The following UVRAG variants were observed in gnomAD, a reference collection of about 807,000 sequenced individuals.
UVRAG encodes UV radiation resistance associated.
UVRAG carries 19 observed loss-of-function variants against 78.0 expected under a neutral mutation model. That is an observed-to-expected ratio of 0.24 (90% CI 0.17 to 0.36). UVRAG has a LOEUF of 0.36. UVRAG is among the 10% of genes least tolerant of loss of function. UVRAG has a pLI of 1.00. For synonymous variants in UVRAG, 323 were observed against 324.6 expected (o/e 1.00, Z 0.05); for missense variants, 740 against 853.8 (o/e 0.87, Z 1.66).
At chr11:75,920,182 C>T (rs1035026279) in intron 6 of UVRAG, among the ~76,000 whole-genome samples, 4 of 151,606 alleles carry the variant, frequency 2.6e-5, no homozygotes, top group East Asian at 1.9e-4. Context: ...CGTGCCACCA[C>T]GCCTGGCTAA....
At chr11:76,048,620 G>A (rs1210758725) in intron 12 of UVRAG, among the ~76,000 whole-genome samples, 1 of 152,196 alleles carries the variant, frequency 6.6e-6, no homozygotes, top group Non-Finnish European at 1.5e-5. Flanking sequence ...AATTGGGCAA[G>A]ATGATGAATT....
At chr11:75,974,265 A>G (rs1949184957) in intron 7 of UVRAG, among the ~76,000 whole-genome samples, 1 of 148,406 alleles carries the variant, frequency 6.7e-6, no homozygotes, top group Non-Finnish European at 1.5e-5. Flanking sequence ...GTGAGATGGT[A>G]TCTCATTGTG....
At chr11:75,887,564 C>G (rs757500437) in intron 4 of UVRAG, among the ~76,000 whole-genome samples, 4 of 151,814 alleles carry the variant, frequency 2.6e-5, no homozygotes, top group Non-Finnish European at 5.9e-5. Flanking sequence ...TCTCCTGCCT[C>G]AGCCTCCCGA....
intron 6 of UVRAG, among the ~76,000 whole-genome samples, chr11:75,915,751 A>C (rs1200464459): frequency 6.6e-6 from 1 of 152,216 alleles, no homozygotes; most frequent in African/African-American, 2.4e-5. Context: ...ATAGCTTTCT[A>C]ATAGGCTTAT....
chr11:76,100,302 T>C (rs572926904), intron 13 of UVRAG, among the ~76,000 whole-genome samples: 2 of 152,138 alleles, frequency 1.3e-5, no homozygotes, highest in Non-Finnish European at 2.9e-5. Flanking sequence ...TCCTAATATG[T>C]TTAATGTTCA....
At chr11:75,974,632 C>G (rs1488541741) in intron 7 of UVRAG, among the ~76,000 whole-genome samples, 5 of 152,142 alleles carry the variant, frequency 3.3e-5, no homozygotes, top group Admixed American at 2.0e-4. Context: ...TCCCAAAGTG[C>G]TGGGATTACA....
chr11:75,820,360 T>C (rs1327571601), intron 1 of UVRAG, among the ~76,000 whole-genome samples: 3 of 150,498 alleles, frequency 2.0e-5, no homozygotes, highest in Non-Finnish European at 4.5e-5. Context: ...ACTTATTCTT[T>C]TTTTTTTTTT....
At chr11:75,869,432 G>A (rs1467764932) in intron 3 of UVRAG, among the ~76,000 whole-genome samples, 1 of 152,178 alleles carries the variant, frequency 6.6e-6, no homozygotes, top group African/African-American at 2.4e-5. Context: ...TTATGTTTCA[G>A]TTGAATTATG....
intron 1 of UVRAG, among the ~76,000 whole-genome samples, chr11:75,831,054 G>A (rs898053025): frequency 1.3e-5 from 2 of 152,200 alleles, no homozygotes; most frequent in African/African-American, 4.8e-5. Flanking sequence ...AGGATTAAGT[G>A]TGTCATAAAT....
intron 13 of UVRAG, among the ~76,000 whole-genome samples, chr11:76,085,227 A>T (rs1951567564): frequency 6.6e-6 from 1 of 152,196 alleles, no homozygotes; most frequent in Non-Finnish European, 1.5e-5. Context: ...GGAATCCATA[A>T]ATTACTGTGT....
intron 8 of UVRAG, among the ~76,000 whole-genome samples, chr11:75,985,169 T>G (rs1026128467): frequency 2.0e-5 from 3 of 148,084 alleles, no homozygotes; most frequent in Non-Finnish European, 3.0e-5. Flanking sequence ...TTTTTTTTTT[T>G]GTATATTTTG....
intron 4 of UVRAG, among the ~76,000 whole-genome samples, chr11:75,884,240 T>TCTCTCTCTCTCTCTCTCTCTTTCTC: frequency 7.5e-6 from 1 of 132,558 alleles, no homozygotes; most frequent in African/African-American, 3.2e-5. Flanking sequence ...CTCTCTCTCT[T>TCTCTCTCTCTCTCTCTCTCTTTCTC]TCTCTCTCTC....
At chr11:76,126,131 C>T (rs986954876) in intron 14 of UVRAG, among the ~76,000 whole-genome samples, 4 of 140,930 alleles carry the variant, frequency 2.8e-5, no homozygotes, top group East Asian at 2.0e-4. Flanking sequence ...TTAGTAGAGA[C>T]GGGGTTTCAC....
intron 13 of UVRAG, among the ~76,000 whole-genome samples, chr11:76,087,859 G>A (rs775561475): frequency 6.6e-6 from 1 of 152,038 alleles, no homozygotes; most frequent in Non-Finnish European, 1.5e-5. Flanking sequence ...GCGTTTAGTT[G>A]TTTTGGTTTT....
intron 6 of UVRAG, among the ~76,000 whole-genome samples, chr11:75,956,035 A>G (rs1948790661): frequency 6.6e-6 from 1 of 152,166 alleles, no homozygotes; most frequent in African/African-American, 2.4e-5. Flanking sequence ...GAATCATACA[A>G]TATGGACTTT....
intron 6 of UVRAG, among the ~76,000 whole-genome samples, chr11:75,960,690 C>G (rs1479148976): frequency 6.6e-6 from 1 of 151,992 alleles, no homozygotes; most frequent in Non-Finnish European, 1.5e-5. Flanking sequence ...TCACTTGAGC[C>G]CGGGAGGTCA....
chr11:75,880,066 T>C, intron 4 of UVRAG, 26 bp downstream of exon 4: 1 of 1,611,228 alleles, frequency 6.2e-7, no homozygotes, highest in Non-Finnish European at 8.5e-7. Context: ...TAGTTTCAAG[T>C]AGTTGTCATC....
intron 7 of UVRAG, among the ~76,000 whole-genome samples, chr11:75,973,521 A>G (rs1218363046): frequency 1.3e-5 from 2 of 152,066 alleles, no homozygotes; most frequent in African/African-American, 4.8e-5. Flanking sequence ...GTGTTCATCA[A>G]CTTCTAATTT....
At chr11:75,981,066 G>A (rs180671209) in intron 7 of UVRAG, among the ~76,000 whole-genome samples, 22 of 152,126 alleles carry the variant, frequency 1.4e-4, no homozygotes, top group African/African-American at 5.1e-4. Flanking sequence ...GATTTAACTG[G>A]CTTCTTGAAT....
Sources: gnomAD v4.1 joint callset for allele counts (sites outside exome capture counted in the v4.1 genomes callset) on GRCh38, gnomAD v4.1.1 for gene constraint, MANE v1.5 for transcripts, NCBI Gene and HGNC (gene_info 2026-07-23, HGNC 2026-07-21) for gene names.